PITPNC1: variants seen among roughly 807,000 people sequenced by gnomAD.
PITPNC1 encodes the protein cytoplasmic phosphatidylinositol transfer protein 1.
A neutral mutation model predicts 44.7 loss-of-function variants in PITPNC1; 18 were observed. The observed-to-expected ratio is 0.40, with a 90% CI of 0.28 to 0.60. The LOEUF is 0.60. Ranked by LOEUF, PITPNC1 falls within the 20% of genes least tolerant of loss-of-function variation. The probability of loss-of-function intolerance (pLI) is 0.39; values close to 1 mark genes in which losing one functional copy is unlikely to be tolerated. For synonymous variants in PITPNC1, 141 were observed against 149.6 expected (o/e 0.94, Z 0.42); for missense variants, 290 against 418.4 (o/e 0.69, Z 2.68).
At chr17:67,497,063 C>T (rs2039961526) in intron 1 of PITPNC1, among the ~76,000 whole-genome samples, 1 of 152,032 alleles carries the variant, frequency 6.6e-6, no homozygotes, top group Non-Finnish European at 1.5e-5. Flanking sequence ...GAGTTCAAGG[C>T]TGTTTTTAGC....
chr17:67,574,983 T>G (rs1019936691), intron 4 of PITPNC1, among the ~76,000 whole-genome samples: 8 of 152,142 alleles, frequency 5.3e-5, no homozygotes, highest in African/African-American at 1.9e-4. Context: ...CATGGGAGTT[T>G]TGCATTTCAT....
chr17:67,421,755 TC>T (rs1252808960), intron 1 of PITPNC1, among the ~76,000 whole-genome samples: 1 of 152,182 alleles, frequency 6.6e-6, no homozygotes, highest in African/African-American at 2.4e-5. Context: ...ACCTTAATTT[TC>T]CTGTGTCTTA....
At chr17:67,602,153 C>T (rs1381196054) in intron 5 of PITPNC1, among the ~76,000 whole-genome samples, 2 of 152,010 alleles carry the variant, frequency 1.3e-5, no homozygotes, top group Non-Finnish European at 2.9e-5. Context: ...CGTGTAGGAG[C>T]ACAGGAAATG....
In PITPNC1 at chr17:67,409,661, C is replaced by T. The variant is rs552879242; in HGVS notation, c.48+31459C>T. On this transcript the variant is annotated intron_variant, in intron 1 of 8. Transcript: ENST00000581322. ...TCAAGCGATTCTCCTGTGTCAGCCT[C>T]CCAAGTAGCTGGGATTACAAGTGCA... 1.3e-4 allele frequency among the ~76,000 whole-genome samples: 20 copies of T among 152,076 alleles called. 1 individual carries two copies. The East Asian group carries it at 3.9e-3, about 30-fold the overall frequency.
At chr17:67,671,125 A>G (rs1331437021) in intron 7 of PITPNC1, among the ~76,000 whole-genome samples, 1 of 152,060 alleles carries the variant, frequency 6.6e-6, no homozygotes, top group Non-Finnish European at 1.5e-5. Flanking sequence ...TGACCTCCTG[A>G]TCTATCTGCC....
chr17:67,415,210 G>A lies in PITPNC1; in HGVS notation c.48+37008G>A, dbSNP rs1001951339. Among the ~76,000 whole-genome samples the A allele has an allele frequency of 1.6e-4, 25 of 152,226 alleles. 1 individual carries two copies. The highest frequency in any genetic ancestry group is 5.8e-4 in the African/African-American group (24 of 41,544). ...GCACATTCTCTTGATCTGTTATGCT[G>A]TTTGTTGCCATCTACTGTTGTCAAA... On this transcript the variant is annotated intron_variant, in intron 1 of 8. Transcript: ENST00000581322.
At position 67,519,262 on chromosome 17, in the gene PITPNC1, C is replaced by T. The variant is rs144872057; in HGVS notation, c.49-13540C>T. Among the ~76,000 whole-genome samples, 690 of 150,740 alleles carry T rather than the reference C, an allele frequency of 4.6e-3. 4 individuals carry two copies. The highest frequency in any genetic ancestry group is 0.016 in the African/African-American group (657 of 40,940). Reference sequence around the variant, plus strand: ...CACGATCTCAGCTCGCTGCAACTTCCGCCTCCTGGGTTCAAGCAATTCTCC... The same window carrying T: ...CACGATCTCAGCTCGCTGCAACTTCTGCCTCCTGGGTTCAAGCAATTCTCC... On this transcript the variant is annotated intron_variant, in intron 1 of 8. Coordinates refer to ENST00000581322, the MANE Select transcript of PITPNC1 (RefSeq NM_012417.4).
chr17:67,518,791 A>T (rs1279233522), intron 1 of PITPNC1, among the ~76,000 whole-genome samples: 1 of 152,174 alleles, frequency 6.6e-6, no homozygotes, highest in Non-Finnish European at 1.5e-5. Context: ...ACAATTTTTT[A>T]AATTACCCAG....
At chr17:67,621,454 T>G (rs1027001581) in intron 5 of PITPNC1, among the ~76,000 whole-genome samples, 1 of 152,120 alleles carries the variant, frequency 6.6e-6, no homozygotes, top group Non-Finnish European at 1.5e-5. Flanking sequence ...GTGATCCACG[T>G]GCCTTGGCCT....
In PITPNC1 at chr17:67,541,259, G is replaced by A. The variant is rs903575698; in HGVS notation, c.197+8309G>A. ...AAAAATAAATAAAATAAAAGACTGA[G>A]TGAGGATCCAGAAAAACTTCAGTAG... On this transcript the variant is annotated intron_variant, in intron 2 of 8. Transcript: ENST00000581322. 2.0e-5 allele frequency among the ~76,000 whole-genome samples: 3 copies of A among 152,066 alleles called. No individual in the cohort carries two copies. The East Asian group carries it at 5.8e-4, about 29-fold the overall frequency.
chr17:67,378,942 G>T, intron 1 of PITPNC1: 3 of 983,876 alleles, frequency 3.0e-6, no homozygotes, highest in Non-Finnish European at 3.6e-6. Context: ...CCGGCTGGGG[G>T]CGCCGGGCGC....
intron 8 of PITPNC1, among the ~76,000 whole-genome samples, chr17:67,686,211 T>TG (rs1239490134): frequency 1.3e-5 from 2 of 149,932 alleles, no homozygotes; most frequent in African/African-American, 2.5e-5. Flanking sequence ...AATTTTTTGT[T>TG]GGGGGCTGGG....
chr17:67,599,453 T>TG (rs934046578), intron 5 of PITPNC1, among the ~76,000 whole-genome samples: 5 of 151,960 alleles, frequency 3.3e-5, no homozygotes, highest in Non-Finnish European at 5.9e-5. Context: ...GGATGGAACC[T>TG]GGGGGAATAT....
At chr17:67,545,947 C>T (rs74326045) in intron 2 of PITPNC1, among the ~76,000 whole-genome samples, 1 of 151,938 alleles carries the variant, frequency 6.6e-6, no homozygotes, top group Non-Finnish European at 1.5e-5. Flanking sequence ...CGGTGGCTCA[C>T]CCCTATAATC....
intron 2 of PITPNC1, among the ~76,000 whole-genome samples, chr17:67,551,025 C>G (rs2040755573): frequency 6.6e-6 from 1 of 152,182 alleles, no homozygotes. Flanking sequence ...TGCACCAGTG[C>G]ACTCCAGCCT....
intron 5 of PITPNC1, among the ~76,000 whole-genome samples, chr17:67,630,935 C>G (rs1199653620): frequency 6.6e-6 from 1 of 151,860 alleles, no homozygotes; most frequent in East Asian, 1.9e-4. Flanking sequence ...TGGTCTCAAA[C>G]TCCTGACCTC....
At position 67,692,553 on chromosome 17, in the gene PITPNC1, T is replaced by C. The variant is rs1297426670; in HGVS notation, c.683-19T>C. On this transcript the variant is annotated intron_variant, in intron 8 of 8. Transcript: ENST00000581322. The stretch of plus-strand genomic sequence containing the variant: ...TTATAAATAACTGCTCGTTTTTCTT[T>C]CTGTTTTTCTCCTTGAAGACATGAC... The C allele has an allele frequency of 1.9e-6, 3 of 1,580,734 alleles. No homozygotes were observed. Among genetic ancestry groups the C allele is most frequent in the Non-Finnish European group, 1.7e-6 (2 of 1,152,472 alleles).
chr17:67,685,224 A>G (rs1042378862), intron 8 of PITPNC1, among the ~76,000 whole-genome samples: 1 of 152,186 alleles, frequency 6.6e-6, no homozygotes, highest in African/African-American at 2.4e-5. Context: ...CTTTTTGGTT[A>G]CCTCGATTTT....
chr17:67,650,723 T>C lies in PITPNC1; in HGVS notation c.462+18485T>C, dbSNP rs1267037252. Among the ~76,000 whole-genome samples, 8 of 152,138 alleles carry C rather than the reference T, an allele frequency of 5.3e-5. No homozygotes were observed. The South Asian group carries it at 1.2e-3, about 24-fold the overall frequency. ...TCCTTGGCCTCCCAAAGTGTTGGGA[T>C]TACAGGTGTGAGCCACGGCGCCTGG... On this transcript the variant is annotated intron_variant, in intron 6 of 8. Transcript: ENST00000581322.
Sources: allele counts gnomAD v4.1 joint callset (sites outside exome capture counted in the v4.1 genomes callset), GRCh38; gene constraint gnomAD v4.1.1; transcripts MANE v1.5; gene names NCBI Gene and HGNC (gene_info 2026-07-23, HGNC 2026-07-21).